Variants in ANGPT1 observed in about 807,000 individuals in gnomAD.
ANGPT1 encodes angiopoietin 1.
In ANGPT1, 17 loss-of-function variants were observed where a neutral mutation model predicts 62.2. The observed-to-expected ratio is 0.27, with a 90% CI of 0.19 to 0.41. The LOEUF (loss-of-function observed/expected upper bound fraction) is 0.41. Ranked by LOEUF, ANGPT1 falls within the 10% of genes least tolerant of loss-of-function variation. The probability of loss-of-function intolerance (pLI) is 1.00; values close to 1 mark genes in which losing one functional copy is unlikely to be tolerated. For missense variants in ANGPT1, 478 were observed against 594.9 expected (o/e 0.80, Z 2.04); for synonymous variants, 199 against 198.9 (o/e 1.00, Z 0.00).
At chr8:107,453,925 C>T (rs1250963126) in intron 1 of ANGPT1, among the ~76,000 whole-genome samples, 2 of 151,514 alleles carry the variant, frequency 1.3e-5, no homozygotes, top group Non-Finnish European at 2.9e-5. Context: ...TAAATTCACA[C>T]ATCTGTGAAG....
intron 1 of ANGPT1, among the ~76,000 whole-genome samples, chr8:107,480,216 T>A (rs1337273097): frequency 1.3e-5 from 2 of 152,146 alleles, no homozygotes; most frequent in Non-Finnish European, 2.9e-5. Context: ...GGAAAGTGCA[T>A]AATATGAAAA....
intron 1 of ANGPT1, among the ~76,000 whole-genome samples, chr8:107,473,558 C>A (rs1311536863): frequency 1.3e-5 from 2 of 152,040 alleles, no homozygotes; most frequent in African/African-American, 2.4e-5. Flanking sequence ...TTATTCTTCA[C>A]TGAATTTGTT....
intron 4 of ANGPT1, among the ~76,000 whole-genome samples, chr8:107,312,468 A>T (rs187812368): frequency 6.6e-6 from 1 of 152,372 alleles, no homozygotes; most frequent in East Asian, 1.9e-4. Flanking sequence ...GCAATGCTGT[A>T]AACATAGAAA....
chr8:107,294,196 T>C, intron 5 of ANGPT1, 159 bp from the exon 6 acceptor site: 1 of 469,536 alleles, frequency 2.1e-6, no homozygotes, highest in South Asian at 4.5e-5. Flanking sequence ...TATTGGTTAT[T>C]TCTTCCTCTG....
intron 1 of ANGPT1, among the ~76,000 whole-genome samples, chr8:107,474,336 C>T (rs1812452206): frequency 6.6e-6 from 1 of 152,152 alleles, no homozygotes; most frequent in Non-Finnish European, 1.5e-5. Context: ...ACAAAAACCA[C>T]ATGATTACCT....
chr8:107,270,879 G>T (rs1430602786), intron 7 of ANGPT1, among the ~76,000 whole-genome samples: 1 of 151,986 alleles, frequency 6.6e-6, no homozygotes, highest in Non-Finnish European at 1.5e-5. Context: ...ATGTGAGTAG[G>T]AAGACTAAAA....
intron 5 of ANGPT1, among the ~76,000 whole-genome samples, chr8:107,301,176 A>G (rs539072786): frequency 6.6e-6 from 1 of 152,044 alleles, no homozygotes; most frequent in African/African-American, 2.4e-5. Context: ...TAAAATTGTG[A>G]ATATTCTTGA....
intron 1 of ANGPT1, among the ~76,000 whole-genome samples, chr8:107,481,525 T>A (rs1387260164): frequency 4.0e-5 from 3 of 75,636 alleles, no homozygotes; most frequent in Non-Finnish European, 6.9e-5. Flanking sequence ...AAAGCAAGAC[T>A]CTGTCTCAAA....
intron 7 of ANGPT1, among the ~76,000 whole-genome samples, chr8:107,270,073 C>T (rs571139976): frequency 2.6e-4 from 40 of 151,982 alleles, no homozygotes; most frequent in Non-Finnish European, 5.0e-4. Flanking sequence ...CAAAATATTC[C>T]TATATATCAT....
chr8:107,374,100 T>C (rs1816474489), intron 1 of ANGPT1, among the ~76,000 whole-genome samples: 2 of 152,222 alleles, frequency 1.3e-5, no homozygotes, highest in African/African-American at 4.8e-5. Flanking sequence ...CTTTTTTATA[T>C]ATGCTGCCTT....
intron 1 of ANGPT1, among the ~76,000 whole-genome samples, chr8:107,490,325 G>T (rs1228595076): frequency 6.6e-6 from 1 of 152,154 alleles, no homozygotes; most frequent in African/African-American, 2.4e-5. Context: ...GCCCAGACTT[G>T]TTTATCCACA....
intron 5 of ANGPT1, among the ~76,000 whole-genome samples, chr8:107,301,323 A>T (rs1370649876): frequency 6.6e-6 from 1 of 151,934 alleles, no homozygotes; most frequent in African/African-American, 2.4e-5. Flanking sequence ...ACTGACAATA[A>T]TTTAGAGGTT....
At chr8:107,427,168 T>C (rs994963978) in intron 1 of ANGPT1, among the ~76,000 whole-genome samples, 2 of 152,166 alleles carry the variant, frequency 1.3e-5, no homozygotes, top group Admixed American at 1.3e-4. Context: ...CTGTTAACTG[T>C]ACTCAGGACC....
intron 1 of ANGPT1, among the ~76,000 whole-genome samples, chr8:107,457,825 T>TAC (rs148742634): frequency 0.079 from 6,436 of 81,656 alleles, 148 homozygotes; most frequent in African/African-American, 0.1. Flanking sequence ...ACATACCCAC[T>TAC]ACACACACAC....
At chr8:107,270,034 A>ATTCTATTAT (rs1432195364) in intron 7 of ANGPT1, among the ~76,000 whole-genome samples, 1 of 152,096 alleles carries the variant, frequency 6.6e-6, no homozygotes, top group East Asian at 1.9e-4. Flanking sequence ...ATAGGACAAC[A>ATTCTATTAT]GTGAGTTCTA....
At chr8:107,339,303 C>T (rs1186813804) in intron 2 of ANGPT1, among the ~76,000 whole-genome samples, 1 of 152,156 alleles carries the variant, frequency 6.6e-6, no homozygotes, top group Non-Finnish European at 1.5e-5. Flanking sequence ...GAATGAATTC[C>T]AAAGCCCTCA....
chr8:107,466,659 C>T (rs1053439438), intron 1 of ANGPT1, among the ~76,000 whole-genome samples: 13 of 152,090 alleles, frequency 8.5e-5, no homozygotes, highest in African/African-American at 3.1e-4. Context: ...CTCTTGCAAT[C>T]CCAGCACTTT....
At chr8:107,256,400 G>A (rs528301765) in intron 8 of ANGPT1, among the ~76,000 whole-genome samples, 1 of 152,268 alleles carries the variant, frequency 6.6e-6, no homozygotes, top group Non-Finnish European at 1.5e-5. Context: ...GCATGGCCAA[G>A]TCTTTTAAAC....
intron 1 of ANGPT1, among the ~76,000 whole-genome samples, chr8:107,361,820 A>C (rs879538109): frequency 1.4e-4 from 21 of 152,072 alleles, no homozygotes; most frequent in Non-Finnish European, 2.2e-4. Context: ...GCATTTTGGA[A>C]GGCCAAGACA....
Sources: gnomAD v4.1 joint callset for allele counts (sites outside exome capture counted in the v4.1 genomes callset) on GRCh38, gnomAD v4.1.1 for gene constraint, MANE v1.5 for transcripts, NCBI Gene and HGNC (gene_info 2026-07-23, HGNC 2026-07-21) for gene names.